Variants in MYO16 observed in about 807,000 individuals in gnomAD.
MYO16 encodes myosin XVI, also known as unconventional myosin-XVI.
A neutral mutation model predicts 205.3 loss-of-function variants in MYO16; 94 were observed. That is an observed-to-expected ratio of 0.46 (90% CI 0.39 to 0.54). MYO16 has a LOEUF of 0.54. Among genes scored for constraint, MYO16 ranks in the 20% least tolerant of loss-of-function variants. The pLI, the probability that MYO16 is intolerant of heterozygous loss-of-function variation, is 0.00. For synonymous variants in MYO16, 988 were observed against 954.0 expected (o/e 1.04, Z -0.66); for missense variants, 2,315 against 2,387.5 (o/e 0.97, Z 0.63).
intron 10 of MYO16, among the ~76,000 whole-genome samples, chr13:108,850,973 A>G (rs549845975): frequency 2.0e-5 from 3 of 152,354 alleles, no homozygotes; most frequent in Non-Finnish European, 2.9e-5. Flanking sequence ...TGCTGGAACA[A>G]ATGCAGAACT....
intron 2 of MYO16, among the ~76,000 whole-genome samples, chr13:108,670,818 A>G (rs981377909): frequency 1.3e-5 from 2 of 152,180 alleles, no homozygotes; most frequent in African/African-American, 4.8e-5. Context: ...TTTCACATGT[A>G]TATATGGATG....
intron 7 of MYO16, 126 bp from the exon 8 acceptor site, chr13:108,820,211 C>A: frequency 1.6e-6 from 1 of 628,982 alleles, no homozygotes; most frequent in Non-Finnish European, 2.8e-6. Context: ...ACAGGAAGGA[C>A]TTCTGAGTGG....
rs1262893538 is a variant in MYO16 at position 108,709,685 on chromosome 13, T to C, written c.293-2976T>C. The stretch of plus-strand genomic sequence containing the variant: ...ATTACACAAATGATATTTTCTTCAT[T>C]GTATCTTCACATTTAGGTCTCTTAC... On this transcript the variant is annotated intron_variant, in intron 2 of 34. Transcript: ENST00000457511. 2.2e-5 allele frequency among the ~76,000 whole-genome samples: 3 copies of C among 135,848 alleles called. 1 individual carries two copies. The highest frequency in any genetic ancestry group is 4.8e-5 in the Non-Finnish European group (3 of 61,902). 89.1% of individuals were successfully genotyped at this position (135,848 alleles called of 152,430 possible).
chr13:109,057,078 A>G (rs1594508415), intron 27 of MYO16, among the ~76,000 whole-genome samples: 1 of 152,206 alleles, frequency 6.6e-6, no homozygotes, highest in East Asian at 1.9e-4. Context: ...AACTTAAATA[A>G]CTACATTTGA....
chr13:108,927,527 C>T (rs192676859), intron 16 of MYO16, among the ~76,000 whole-genome samples: 6 of 152,152 alleles, frequency 3.9e-5, no homozygotes, highest in Non-Finnish European at 7.3e-5. Flanking sequence ...TCCCAGAACA[C>T]CCAAAGACAT....
chr13:109,202,291 T>A (rs548152935), intron 34 of MYO16, among the ~76,000 whole-genome samples: 1 of 152,208 alleles, frequency 6.6e-6, no homozygotes, highest in Non-Finnish European at 1.5e-5. Context: ...CTGTTTTCCA[T>A]AGTGGTTTTA....
intron 16 of MYO16, among the ~76,000 whole-genome samples, chr13:108,934,738 C>A (rs911467774): frequency 6.6e-5 from 10 of 152,046 alleles, no homozygotes; most frequent in African/African-American, 2.2e-4. Flanking sequence ...GCAGGTATTA[C>A]ATTTATGAAT....
chr13:108,683,908 G>A (rs1433243073), intron 2 of MYO16, among the ~76,000 whole-genome samples: 1 of 152,050 alleles, frequency 6.6e-6, no homozygotes, highest in Non-Finnish European at 1.5e-5. Flanking sequence ...AAACAGTCTC[G>A]CTCTGTCGCC....
At chr13:108,837,656 C>A (rs1010637070) in intron 9 of MYO16, among the ~76,000 whole-genome samples, 2 of 152,142 alleles carry the variant, frequency 1.3e-5, no homozygotes, top group Non-Finnish European at 2.9e-5. Context: ...CAACTTGAAC[C>A]AACTTGAGGT....
chr13:108,956,179 C>T (rs1883340931), intron 16 of MYO16, among the ~76,000 whole-genome samples: 1 of 152,176 alleles, frequency 6.6e-6, no homozygotes, highest in African/African-American at 2.4e-5. Flanking sequence ...TATTCCTCCT[C>T]TTGAGAATGT....
intron 4 of MYO16, among the ~76,000 whole-genome samples, chr13:108,743,254 TG>T (rs148723553): frequency 8.0e-4 from 122 of 152,308 alleles, no homozygotes; most frequent in African/African-American, 2.8e-3. Flanking sequence ...TTTTTCTTAT[TG>T]AAAAAAACAT....
At chr13:109,164,500 T>G (rs547153934) in intron 32 of MYO16, among the ~76,000 whole-genome samples, 2 of 152,354 alleles carry the variant, frequency 1.3e-5, no homozygotes, top group African/African-American at 4.8e-5. Context: ...ATAGTGTTTC[T>G]TATCACTCAA....
intron 16 of MYO16, among the ~76,000 whole-genome samples, chr13:108,911,908 T>C (rs1002490034): frequency 6.6e-6 from 1 of 152,244 alleles, no homozygotes; most frequent in African/African-American, 2.4e-5. Context: ...GAATGATTCC[T>C]GTGGCTGTGG....
chr13:108,559,071 C>T, the MYO16 span, among the ~76,000 whole-genome samples: 1 of 151,902 alleles, frequency 6.6e-6, no homozygotes, highest in Non-Finnish European at 1.5e-5. Context: ...TGTTGAAGTC[C>T]TAACCGCTGT....
At chr13:108,592,728 C>CTGTGTGTGTGTGTGTGTGTGTG (rs55845447), upstream of MYO16, among the ~76,000 whole-genome samples, 9 of 139,390 alleles carry the variant, frequency 6.5e-5, no homozygotes, top group African/African-American at 1.1e-4. Flanking sequence ...GTGAGGGTGG[C>CTGTGTGTGTGTGTGTGTGTGTG]TGTGTGTGTG....
intron 22 of MYO16, among the ~76,000 whole-genome samples, chr13:109,014,164 C>T (rs1164181467): frequency 2.0e-5 from 3 of 152,296 alleles, no homozygotes; most frequent in Non-Finnish European, 4.4e-5. Flanking sequence ...GGAAGGGATC[C>T]AGTTTCAGCT....
intron 9 of MYO16, among the ~76,000 whole-genome samples, chr13:108,827,739 C>T (rs1876353079): frequency 6.6e-6 from 1 of 152,182 alleles, no homozygotes; most frequent in South Asian, 2.1e-4. Flanking sequence ...CGCCTCCTCT[C>T]TGTGTTGCCT....
chr13:109,194,650 G>T (rs1880068908), intron 34 of MYO16, among the ~76,000 whole-genome samples: 1 of 152,118 alleles, frequency 6.6e-6, no homozygotes, highest in Non-Finnish European at 1.5e-5. Flanking sequence ...ACATATATCT[G>T]GTTGGGTTGA....
chr13:108,790,140 G>A (rs1006619359), intron 5 of MYO16, among the ~76,000 whole-genome samples: 5 of 152,186 alleles, frequency 3.3e-5, no homozygotes, highest in African/African-American at 7.2e-5. Context: ...GGGAGAGCGC[G>A]CAGCTGTGCA....
Sources: gnomAD v4.1 joint callset for allele counts (sites outside exome capture counted in the v4.1 genomes callset) on GRCh38, gnomAD v4.1.1 for gene constraint, MANE v1.5 for transcripts, NCBI Gene and HGNC (gene_info 2026-07-23, HGNC 2026-07-21) for gene names.